Variants in ARHGAP6 observed in about 807,000 individuals in gnomAD.
The protein encoded by ARHGAP6 is rho GTPase-activating protein 6.
In ARHGAP6, 16 loss-of-function variants were observed where a neutral mutation model predicts 55.7. That is an observed-to-expected ratio of 0.29 (90% CI 0.19 to 0.44). The LOEUF is 0.44. Ranked by LOEUF, ARHGAP6 falls within the 20% of genes least tolerant of loss-of-function variation. The pLI, the probability that ARHGAP6 is intolerant of heterozygous loss-of-function variation, is 1.00. For missense variants in ARHGAP6, 698 were observed against 808.9 expected (o/e 0.86, Z 1.66); for synonymous variants, 382 against 360.9 (o/e 1.06, Z -0.66).
chrX:11,620,825 C>T (rs1218106619), intron 1 of ARHGAP6, among the ~76,000 whole-genome samples: 1 of 110,972 alleles, frequency 9.0e-6, no homozygotes, highest in African/African-American at 3.3e-5. Context: ...TGTTTCTAAA[C>T]ATTCTACAAT....
At chrX:11,563,549 T>C (rs1157508863) in intron 1 of ARHGAP6, among the ~76,000 whole-genome samples, 1 of 111,026 alleles carries the variant, frequency 9.0e-6, no homozygotes, top group East Asian at 2.8e-4. Context: ...CATATCCACC[T>C]ACTAATTAGA....
intron 1 of ARHGAP6, among the ~76,000 whole-genome samples, chrX:11,315,738 G>A (rs900912076): frequency 1.8e-5 from 2 of 112,149 alleles, no homozygotes; most frequent in African/African-American, 6.5e-5. Flanking sequence ...ACTCTTTTGA[G>A]TGTCTATCAC....
intron 1 of ARHGAP6, among the ~76,000 whole-genome samples, chrX:11,281,149 G>C (rs188753157): frequency 3.6e-5 from 4 of 111,805 alleles, no homozygotes; most frequent in African/African-American, 1.3e-4. Context: ...CACGTTGAGC[G>C]AAAGAAGTCT....
chrX:11,345,259 A>G (rs1443654575), intron 1 of ARHGAP6, among the ~76,000 whole-genome samples: 4 of 109,345 alleles, frequency 3.7e-5, no homozygotes, highest in African/African-American at 1.4e-4. Context: ...TATTCTTTCT[A>G]TTCTTTTGCC....
At chrX:11,509,300 A>G (rs1482857175) in intron 1 of ARHGAP6, among the ~76,000 whole-genome samples, 1 of 112,096 alleles carries the variant, frequency 8.9e-6, no homozygotes, top group Non-Finnish European at 1.9e-5. Flanking sequence ...ACCTAGGACC[A>G]GGAAGGGGTG....
intron 1 of ARHGAP6, among the ~76,000 whole-genome samples, chrX:11,268,529 A>G (rs2047654736): frequency 8.9e-6 from 1 of 111,930 alleles, no homozygotes; most frequent in South Asian, 3.8e-4. Context: ...TGAAGCCCGT[A>G]GCCCCTTTTT....
In ARHGAP6 at chrX:11,558,765, G is replaced by A. The variant is rs896670311; in HGVS notation, c.588+105476C>T. ...GCAGGAGAATCTCTTGAATCCGGGAGGCGGAGTTCGCAGTGAGCCGAGATC... is the reference window on the plus strand; with the variant it reads ...GCAGGAGAATCTCTTGAATCCGGGAAGCGGAGTTCGCAGTGAGCCGAGATC... On this transcript the variant is annotated intron_variant, in intron 1 of 12. Coordinates refer to ENST00000337414, the MANE Select transcript of ARHGAP6 (RefSeq NM_013427.3). Among the ~76,000 whole-genome samples, 3 of 99,094 alleles carry A rather than the reference G, an allele frequency of 3.0e-5. No individual in the cohort carries two copies. In the South Asian group the frequency reaches 1.5e-3, roughly 51 times the overall value. 86.1% of individuals were successfully genotyped at this position (99,094 alleles called of 115,157 possible).
chrX:11,631,471 A>G (rs1204898305), intron 1 of ARHGAP6, among the ~76,000 whole-genome samples: 1 of 110,053 alleles, frequency 9.1e-6, no homozygotes, highest in Admixed American at 9.7e-5. Flanking sequence ...GGTTGCAGTG[A>G]GCCAAGATCA....
At chrX:11,340,642 T>A (rs1035286774) in intron 1 of ARHGAP6, among the ~76,000 whole-genome samples, 1 of 106,174 alleles carries the variant, frequency 9.4e-6, no homozygotes, top group Non-Finnish European at 1.9e-5. Context: ...GGCAGGAGAA[T>A]GGCGTGAACC....
In ARHGAP6 at chrX:11,455,144, C is replaced by A. The variant is rs139754573; in HGVS notation, c.589-200437G>T. ...GCAGTGGAAGAAATTCCTATATTTA[C>A]TAAATGGAAATTCCTCTATTTGCTT... On this transcript the variant is annotated intron_variant, in intron 1 of 12. Coordinates refer to ENST00000337414, the MANE Select transcript of ARHGAP6 (RefSeq NM_013427.3). Among the ~76,000 whole-genome samples, 868 of 111,915 alleles carry A rather than the reference C, an allele frequency of 7.8e-3. 9 individuals are homozygous for A. The highest frequency in any genetic ancestry group is 0.026 in the African/African-American group (814 of 30,813).
At chrX:11,524,625 G>T (rs1246108026) in intron 1 of ARHGAP6, among the ~76,000 whole-genome samples, 1 of 111,257 alleles carries the variant, frequency 9.0e-6, no homozygotes, top group Non-Finnish European at 1.9e-5. Context: ...GTCTTTGGGG[G>T]ACCGTTCTGT....
chrX:11,444,062 C>A (rs1288899698), intron 1 of ARHGAP6, among the ~76,000 whole-genome samples: 2 of 112,425 alleles, frequency 1.8e-5, no homozygotes, highest in Non-Finnish European at 3.8e-5. Flanking sequence ...GTCTTCTGCC[C>A]ATTTTTTTCA....
At chrX:11,298,785 C>G in intron 1 of ARHGAP6, 1 of 1,211,116 alleles carries the variant, frequency 8.3e-7, no homozygotes, top group Admixed American at 2.2e-5. Flanking sequence ...GCAGCCCTAC[C>G]AGCCCCAGCC....
At chrX:11,531,144 C>T (rs56739620) in intron 1 of ARHGAP6, among the ~76,000 whole-genome samples, 8,156 of 110,753 alleles carry the variant, frequency 0.074, 358 homozygotes, top group East Asian at 0.19. Flanking sequence ...TTCCAGGAGG[C>T]GGATCTAGTC....
intron 1 of ARHGAP6, among the ~76,000 whole-genome samples, chrX:11,548,644 C>G (rs1412632114): frequency 1.8e-5 from 2 of 110,370 alleles, no homozygotes; most frequent in African/African-American, 6.6e-5. Flanking sequence ...GAGATAGAGT[C>G]TCACTCTAGG....
intron 1 of ARHGAP6, among the ~76,000 whole-genome samples, chrX:11,499,874 G>T (rs1038557243): frequency 8.1e-5 from 9 of 111,801 alleles, no homozygotes; most frequent in Admixed American, 2.9e-4. Context: ...TGTGACTTCA[G>T]CTGGAAACAA....
chrX:11,186,091 ACACT>A (rs2046383249), intron 5 of ARHGAP6, 141 bp downstream of exon 5: 1 of 540,820 alleles, frequency 1.8e-6, no homozygotes, highest in African/African-American at 2.3e-5. Flanking sequence ...TCTTAAGCAA[ACACT>A]CACATCTGTA....
intron 1 of ARHGAP6, among the ~76,000 whole-genome samples, chrX:11,499,539 G>T (rs750646213): frequency 4.0e-4 from 45 of 111,639 alleles, no homozygotes; most frequent in Non-Finnish European, 7.3e-4. Flanking sequence ...CCCCTCTGGG[G>T]CCTCCAGGAC....
At chrX:11,142,183 G>T (rs993504110) in intron 12 of ARHGAP6, 50 bp downstream of exon 12, 4 of 936,873 alleles carry the variant, frequency 4.3e-6, no homozygotes, top group Non-Finnish European at 5.9e-6. Context: ...GAAAACTTTA[G>T]AAAATAATTT....
Sources: gnomAD v4.1 joint callset for allele counts (sites outside exome capture counted in the v4.1 genomes callset) on GRCh38, gnomAD v4.1.1 for gene constraint, MANE v1.5 for transcripts, NCBI Gene and HGNC (gene_info 2026-07-23, HGNC 2026-07-21) for gene names.